The following IL1RAPL2 variants were observed in gnomAD, a reference collection of about 807,000 sequenced individuals.
IL1RAPL2 encodes the protein X-linked interleukin-1 receptor accessory protein-like 2.
In IL1RAPL2, 3 loss-of-function variants were observed where a neutral mutation model predicts 44.1. That is an observed-to-expected ratio of 0.07 (90% CI 0.03 to 0.18). The LOEUF is 0.18. Ranked by LOEUF, IL1RAPL2 falls within the 10% of genes least tolerant of loss-of-function variation. The pLI is 1.00. For missense variants in IL1RAPL2, 391 were observed against 496.4 expected, an observed-to-expected ratio of 0.79 and a Z score of 2.02; for synonymous variants, 181 against 178.8, an observed-to-expected ratio of 1.01 and a Z score of -0.10.
chrX:105,491,677 T>C (rs1376458011), intron 6 of IL1RAPL2, among the ~76,000 whole-genome samples: 1 of 111,809 alleles, frequency 8.9e-6, no homozygotes, highest in Non-Finnish European at 1.9e-5. Flanking sequence ...CGCACAAGCT[T>C]AGCGTGAGCT....
intron 5 of IL1RAPL2, among the ~76,000 whole-genome samples, chrX:105,370,721 A>G (rs1217005219): frequency 8.9e-6 from 1 of 111,893 alleles, no homozygotes; most frequent in South Asian, 3.7e-4. Flanking sequence ...AGAATGATTT[A>G]TATTTCTTTA....
chrX:104,923,493 G>C (rs1924695777), intron 2 of IL1RAPL2, among the ~76,000 whole-genome samples: 1 of 111,851 alleles, frequency 8.9e-6, no homozygotes, highest in Middle Eastern at 4.2e-3. Flanking sequence ...AAGCGATCAG[G>C]GGCCTATTAT....
At chrX:105,674,099 T>A (rs781219439) in intron 6 of IL1RAPL2, among the ~76,000 whole-genome samples, 4 of 111,947 alleles carry the variant, frequency 3.6e-5, no homozygotes, top group African/African-American at 1.3e-4. Flanking sequence ...ATTGAAAAAA[T>A]TTTCTCCCAC....
intron 5 of IL1RAPL2, among the ~76,000 whole-genome samples, chrX:105,317,305 A>C (rs1337809748): frequency 8.9e-6 from 1 of 111,987 alleles, no homozygotes; most frequent in Non-Finnish European, 1.9e-5. Flanking sequence ...GTTTTTGATG[A>C]GGTTTGCAAA....
chrX:105,416,328 A>C (rs922513510), intron 5 of IL1RAPL2, among the ~76,000 whole-genome samples: 1 of 111,855 alleles, frequency 8.9e-6, no homozygotes, highest in South Asian at 3.7e-4. Context: ...TTATTTTATC[A>C]ATGTCTCAAC....
At position 105,443,488 on chromosome X, in the gene IL1RAPL2, C is replaced by T. The variant is rs966676849; in HGVS notation, c.698-40825C>T. On this transcript the variant is annotated intron_variant, in intron 5 of 10. Transcript: ENST00000372582. Reference sequence around the variant, plus strand: ...TTATACCCATTAATTTTCCCCACCTCTCCCACAATCCCCCACTACCTTTCC... The same window carrying T: ...TTATACCCATTAATTTTCCCCACCTTTCCCACAATCCCCCACTACCTTTCC... 4.5e-5 allele frequency among the ~76,000 whole-genome samples: 5 copies of T among 111,585 alleles called. No homozygotes were observed. The East Asian group carries it at 1.4e-3, about 31-fold the overall frequency.
At chrX:104,684,919 C>T (rs1453011010) in intron 2 of IL1RAPL2, among the ~76,000 whole-genome samples, 1 of 111,971 alleles carries the variant, frequency 8.9e-6, no homozygotes, top group African/African-American at 3.2e-5. Context: ...TTTTGTCAGC[C>T]AAGATAGCTT....
At chrX:105,640,951 A>G (rs995692716) in intron 6 of IL1RAPL2, among the ~76,000 whole-genome samples, 3 of 108,137 alleles carry the variant, frequency 2.8e-5, no homozygotes, top group African/African-American at 1.0e-4. Context: ...GCACTGTGGG[A>G]GTCCTAATTG....
At chrX:105,436,522 T>G (rs2035883236) in intron 5 of IL1RAPL2, among the ~76,000 whole-genome samples, 2 of 111,683 alleles carry the variant, frequency 1.8e-5, no homozygotes, top group South Asian at 7.4e-4. Flanking sequence ...ATGTATTGTC[T>G]TTCCTCAGTT....
chrX:104,603,974 T>C (rs1171931550), intron 1 of IL1RAPL2, among the ~76,000 whole-genome samples: 1 of 111,111 alleles, frequency 9.0e-6, no homozygotes, highest in Non-Finnish European at 1.9e-5. Flanking sequence ...AGATACTCCT[T>C]GAGAAGAGCA....
intron 1 of IL1RAPL2, among the ~76,000 whole-genome samples, chrX:104,592,151 G>A (rs1475443476): frequency 3.5e-5 from 3 of 85,996 alleles, no homozygotes; most frequent in Admixed American, 1.5e-4. Context: ...GTATATGTGT[G>A]TGTGTGTGTG....
intron 6 of IL1RAPL2, among the ~76,000 whole-genome samples, chrX:105,613,794 G>C (rs916522409): frequency 5.4e-5 from 6 of 111,632 alleles, no homozygotes; most frequent in African/African-American, 2.0e-4. Context: ...TGTGTCTCAA[G>C]GTTTGAGTGC....
At chrX:105,530,996 C>T (rs1346484734) in intron 6 of IL1RAPL2, among the ~76,000 whole-genome samples, 1 of 111,777 alleles carries the variant, frequency 8.9e-6, no homozygotes, top group Non-Finnish European at 1.9e-5. Context: ...TTGATGGATA[C>T]TTCTTCCAAA....
intron 2 of IL1RAPL2, among the ~76,000 whole-genome samples, chrX:105,146,461 T>G (rs751162932): frequency 8.9e-6 from 1 of 111,852 alleles, no homozygotes; most frequent in East Asian, 2.8e-4. Flanking sequence ...TTACCAAATT[T>G]TCTTATATGG....
intron 2 of IL1RAPL2, among the ~76,000 whole-genome samples, chrX:105,034,301 T>C (rs2031577487): frequency 8.9e-6 from 1 of 112,243 alleles, no homozygotes; most frequent in Non-Finnish European, 1.9e-5. Flanking sequence ...AGAGGTGCTC[T>C]GCTTTCTAGA....
At chrX:104,657,380 A>T (rs888378295) in intron 1 of IL1RAPL2, among the ~76,000 whole-genome samples, 9 of 111,444 alleles carry the variant, frequency 8.1e-5, no homozygotes, top group Non-Finnish European at 1.7e-4. Context: ...GGAAAGGATT[A>T]CCTATTTAAT....
chrX:105,534,360 T>G (rs1439342985), intron 6 of IL1RAPL2, among the ~76,000 whole-genome samples: 2 of 111,826 alleles, frequency 1.8e-5, no homozygotes, highest in Admixed American at 9.5e-5. Context: ...TCAAAATAAT[T>G]TAACTGTATA....
At chrX:105,745,599 AG>A (rs1385849088) in intron 8 of IL1RAPL2, among the ~76,000 whole-genome samples, 1 of 112,102 alleles carries the variant, frequency 8.9e-6, no homozygotes, top group East Asian at 2.8e-4. Flanking sequence ...AGGTTTCCTC[AG>A]GCATCTCTTA....
chrX:104,654,130 G>C (rs762701046), intron 1 of IL1RAPL2, among the ~76,000 whole-genome samples: 12 of 110,639 alleles, frequency 1.1e-4, no homozygotes, highest in Non-Finnish European at 2.3e-4. Flanking sequence ...TTTAATAACA[G>C]CTTGGTTCAA....
Sources: gnomAD v4.1 joint callset for allele counts (sites outside exome capture counted in the v4.1 genomes callset) on GRCh38, gnomAD v4.1.1 for gene constraint, MANE v1.5 for transcripts, NCBI Gene and HGNC (gene_info 2026-07-23, HGNC 2026-07-21) for gene names.